ADAM10: variants seen among roughly 807,000 people sequenced by gnomAD.
The protein encoded by ADAM10 is disintegrin and metalloproteinase domain-containing protein 10.
Under a neutral mutation model 90.1 loss-of-function variants are expected in ADAM10, and 17 were observed. The ratio of observed to expected loss-of-function variants is 0.19; its 90% CI spans 0.13 to 0.28. ADAM10 has a LOEUF of 0.28. ADAM10 is among the 10% of genes least tolerant of loss of function. ADAM10 has a pLI of 1.00. For synonymous variants in ADAM10, 310 were observed against 298.6 expected, an observed-to-expected ratio of 1.04 and a Z score of -0.40; for missense variants, 610 against 914.3, an observed-to-expected ratio of 0.67 and a Z score of 4.29.
chr15:58,731,635 T>TA (rs1296769502), intron 1 of ADAM10, among the ~76,000 whole-genome samples: 3 of 151,632 alleles, frequency 2.0e-5, no homozygotes, highest in Non-Finnish European at 4.4e-5. Context: ...CTCAAAAAAA[T>TA]AAAAAAATTA....
intron 5 of ADAM10, among the ~76,000 whole-genome samples, chr15:58,657,495 G>A (rs1387395218): frequency 6.6e-6 from 1 of 152,120 alleles, no homozygotes; most frequent in Non-Finnish European, 1.5e-5. Flanking sequence ...GCACTCTTCA[G>A]TATGTCAAGT....
intron 1 of ADAM10, among the ~76,000 whole-genome samples, chr15:58,737,375 T>C (rs926400416): frequency 6.6e-6 from 1 of 152,162 alleles, no homozygotes; most frequent in African/African-American, 2.4e-5. Flanking sequence ...ATACCTTCTA[T>C]AAAGAACCTG....
intron 14 of ADAM10, among the ~76,000 whole-genome samples, chr15:58,603,865 G>A (rs1175858550): frequency 6.9e-6 from 1 of 144,304 alleles, no homozygotes; most frequent in Non-Finnish European, 1.5e-5. Flanking sequence ...GAAAGATTGG[G>A]GGTCCAGGGT....
chr15:58,632,169 T>C (rs1228581411), intron 9 of ADAM10, among the ~76,000 whole-genome samples: 1 of 152,212 alleles, frequency 6.6e-6, no homozygotes, highest in African/African-American at 2.4e-5. Context: ...ATTCAGTATT[T>C]CATATTTCTG....
At chr15:58,749,350 C>CG in intron 1 of ADAM10, 130 bp downstream of exon 1, 1 of 1,162,158 alleles carries the variant, frequency 8.6e-7, no homozygotes, top group Non-Finnish European at 1.1e-6. Flanking sequence ...GAGCGCGGCC[C>CG]GCCAGAGTGG....
At chr15:58,638,264 A>G (rs551298686) in intron 8 of ADAM10, among the ~76,000 whole-genome samples, 3 of 152,304 alleles carry the variant, frequency 2.0e-5, no homozygotes, top group Non-Finnish European at 4.4e-5. Flanking sequence ...ATGGGGATAC[A>G]AAGTTGACAA....
intron 2 of ADAM10, among the ~76,000 whole-genome samples, chr15:58,690,309 T>C (rs12440091): frequency 0.28 from 43,187 of 151,984 alleles, 8,777 homozygotes; most frequent in African/African-American, 0.57. Flanking sequence ...AATGCTTCTC[T>C]CCTAAGATTG....
intron 1 of ADAM10, among the ~76,000 whole-genome samples, chr15:58,727,145 C>A (rs146177132): frequency 4.2e-5 from 6 of 143,948 alleles, no homozygotes; most frequent in Admixed American, 7.0e-5. Context: ...TAACTGGAAA[C>A]TGGTGCACCA....
intron 15 of ADAM10, among the ~76,000 whole-genome samples, 191 bp from the exon 16 acceptor site, chr15:58,597,832 AT>A (rs1204697620): frequency 1.3e-5 from 2 of 151,868 alleles, no homozygotes; most frequent in African/African-American, 2.4e-5. Context: ...TTTTAATAAT[AT>A]TTTTTATTTT....
chr15:58,682,572 T>C (rs189517112), intron 2 of ADAM10, among the ~76,000 whole-genome samples: 4 of 152,264 alleles, frequency 2.6e-5, no homozygotes, highest in African/African-American at 9.6e-5. Flanking sequence ...GACTGATTCT[T>C]ACATGGTAAA....
intron 1 of ADAM10, among the ~76,000 whole-genome samples, chr15:58,742,798 G>C (rs1420098025): frequency 1.3e-5 from 2 of 152,152 alleles, no homozygotes. Flanking sequence ...AGTTTTTAGG[G>C]TTGCTTGGAA....
chr15:58,717,798 C>T, intron 1 of ADAM10, 71 bp from the exon 2 acceptor site: 1 of 1,558,078 alleles, frequency 6.4e-7, no homozygotes, highest in South Asian at 1.2e-5. Context: ...CACGATTATT[C>T]AAGTATCTAT....
At chr15:58,610,185 A>G in intron 14 of ADAM10, 112 bp downstream of exon 14, 1 of 844,048 alleles carries the variant, frequency 1.2e-6, no homozygotes. Context: ...CATATAAAGT[A>G]ATTCTAATAT....
intron 5 of ADAM10, among the ~76,000 whole-genome samples, chr15:58,659,589 T>C (rs886257528): frequency 1.3e-5 from 2 of 151,904 alleles, no homozygotes; most frequent in Admixed American, 1.3e-4. Context: ...TTTATATATA[T>C]TGCTGGATTT....
At chr15:58,682,068 C>T (rs1257181903) in intron 3 of ADAM10, 128 bp downstream of exon 3, 7 of 1,288,218 alleles carry the variant, frequency 5.4e-6, no homozygotes, top group Non-Finnish European at 6.4e-6. Context: ...GACCATTACC[C>T]TTCATATGAA....
chr15:58,726,864 A>T (rs926586022), intron 1 of ADAM10, among the ~76,000 whole-genome samples: 1 of 144,118 alleles, frequency 6.9e-6, no homozygotes, highest in African/African-American at 2.6e-5. Context: ...ACAGAGAGAG[A>T]TCTCCATCTC....
chr15:58,731,730 T>C (rs1396907912), intron 1 of ADAM10, among the ~76,000 whole-genome samples: 1 of 152,218 alleles, frequency 6.6e-6, no homozygotes, highest in African/African-American at 2.4e-5. Context: ...GTAACTGGTA[T>C]GGAGTGGAGG....
At chr15:58,672,876 G>A (rs1348576084) in intron 4 of ADAM10, 2 of 159,270 alleles carry the variant, frequency 1.3e-5, no homozygotes, top group African/African-American at 4.9e-5. Context: ...GAAGGAAAAG[G>A]AGGAAGATGA....
chr15:58,655,687 T>TATAGTATATATATACAC (rs57182110), intron 5 of ADAM10, among the ~76,000 whole-genome samples: 1 of 80,306 alleles, frequency 1.2e-5, no homozygotes, highest in Non-Finnish European at 2.1e-5. Flanking sequence ...CATATATATA[T>TATAGTATATATATACAC]TATATATAGT....
Sources: gnomAD v4.1 joint callset for allele counts (sites outside exome capture counted in the v4.1 genomes callset) on GRCh38, gnomAD v4.1.1 for gene constraint, MANE v1.5 for transcripts, NCBI Gene and HGNC (gene_info 2026-07-23, HGNC 2026-07-21) for gene names.